Variants in RSPH14 observed in about 807,000 individuals in gnomAD.
The protein encoded by RSPH14 is rhabdoid tumor deletion region gene 1.
Under a neutral mutation model 26.7 loss-of-function variants are expected in RSPH14, and 20 were observed. The observed-to-expected ratio is 0.75, with a 90% CI of 0.53 to 1.09. RSPH14 has a LOEUF of 1.09. RSPH14 is among the 50% of genes least tolerant of loss of function. The pLI is 0.00. For missense variants in RSPH14, 449 were observed against 457.2 expected (o/e 0.98, Z 0.16); for synonymous variants, 177 against 189.3 (o/e 0.93, Z 0.53).
At chr22:23,158,669 G>A in the RSPH14 span, among the ~76,000 whole-genome samples, 3 of 152,142 alleles carry the variant, frequency 2.0e-5, no homozygotes, top group African/African-American at 7.2e-5. Context: ...GGCCAGGAGG[G>A]GTCTTCACCA....
In RSPH14 at chr22:23,141,081, G is replaced by A. The variant is rs189217568; in HGVS notation, c.-52-609C>T. ...GCAGTGGCTCACGCCTGTAATCCCA[G>A]CACTTTGGGAGGCCCGAGGCAGGCG... On this transcript the variant is annotated intron_variant, in intron 1 of 6. Coordinates refer to ENST00000216036, the MANE Select transcript of RSPH14 (RefSeq NM_014433.3). Among the ~76,000 whole-genome samples, 54 of 152,314 alleles carry A rather than the reference G, an allele frequency of 3.5e-4. No individual in the cohort carries two copies. The East Asian group carries it at 8.3e-3, about 23-fold the overall frequency.
At chr22:23,116,925 T>C (rs1350958299) in intron 4 of RSPH14, among the ~76,000 whole-genome samples, 1 of 152,176 alleles carries the variant, frequency 6.6e-6, no homozygotes, top group African/African-American at 2.4e-5. Flanking sequence ...TGAGGAAGCC[T>C]GGAGGATGCC....
chr22:23,098,777 G>A (rs948743114), intron 4 of RSPH14, among the ~76,000 whole-genome samples: 14 of 152,234 alleles, frequency 9.2e-5, no homozygotes, highest in Admixed American at 4.6e-4. Context: ...CCCCTCCCGC[G>A]ATTCCTCCCG....
chr22:23,150,631 T>G, the RSPH14 span, among the ~76,000 whole-genome samples: 1 of 152,094 alleles, frequency 6.6e-6, no homozygotes, highest in South Asian at 2.1e-4. Flanking sequence ...TGGCTTCAGT[T>G]AACACACCTG....
the RSPH14 span, among the ~76,000 whole-genome samples, chr22:23,178,907 A>G: frequency 0.29 from 44,339 of 152,090 alleles, 6,650 homozygotes; most frequent in East Asian, 0.36. Flanking sequence ...GAAGCCTGGA[A>G]ATCTGAGACA....
chr22:23,180,245 T>C, the RSPH14 span: 1 of 204,046 alleles, frequency 4.9e-6, no homozygotes, highest in Admixed American at 5.9e-5. Flanking sequence ...ACCTCTGTAT[T>C]GGAAAGGTCT....
Position 23,077,283 on chromosome 22 carries a change from T to A in RSPH14, c.422-13150A>T, listed in dbSNP as rs147495503. 1.2e-3 allele frequency among the ~76,000 whole-genome samples: 187 copies of A among 152,308 alleles called. 1 individual carries two copies. Among genetic ancestry groups the A allele is most frequent in the African/African-American group, 4.3e-3 (177 of 41,566 alleles). ...CTGGCCTCCGTCTTCCTGAGTCCCATGAGCAGCTCAGGTCATTGCTTGCTG... is the reference window on the plus strand; with the variant it reads ...CTGGCCTCCGTCTTCCTGAGTCCCAAGAGCAGCTCAGGTCATTGCTTGCTG... On this transcript the variant is annotated intron_variant, in intron 4 of 6. Coordinates refer to ENST00000216036, the MANE Select transcript of RSPH14 (RefSeq NM_014433.3).
At chr22:23,090,001 G>T (rs1052821050) in intron 4 of RSPH14, among the ~76,000 whole-genome samples, 1 of 152,084 alleles carries the variant, frequency 6.6e-6, no homozygotes, top group African/African-American at 2.4e-5. Flanking sequence ...GCCCTATGTC[G>T]CACTAAGTCC....
the RSPH14 span, chr22:23,161,629 G>A: frequency 7.1e-7 from 1 of 1,404,974 alleles, no homozygotes; most frequent in African/African-American, 1.4e-5. Context: ...CGTGACTGTG[G>A]TGTGGAGACT....
intron 4 of RSPH14, among the ~76,000 whole-genome samples, chr22:23,076,697 G>C (rs149374644): frequency 6.6e-6 from 1 of 152,362 alleles, no homozygotes; most frequent in African/African-American, 2.4e-5. Context: ...TTCACAGAGT[G>C]ATGACCTTCA....
upstream of RSPH14, among the ~76,000 whole-genome samples, chr22:23,144,071 C>T (rs187394956): frequency 5.9e-3 from 687 of 116,798 alleles, 6 homozygotes; most frequent in African/African-American, 0.022. Context: ...CCAGCCTGGG[C>T]GACAGAGTGA....
intron 1 of RSPH14, 47 bp from the exon 2 acceptor site, chr22:23,140,519 G>T (rs2070576652): frequency 6.6e-7 from 1 of 1,506,998 alleles, no homozygotes; most frequent in Admixed American, 2.2e-5. Context: ...TGATTTAAAA[G>T]CTACTTCTCA....
At chr22:23,135,255 C>T (rs1307910557) in intron 3 of RSPH14, among the ~76,000 whole-genome samples, 3 of 147,130 alleles carry the variant, frequency 2.0e-5, no homozygotes, top group African/African-American at 7.6e-5. Context: ...GGGCGGATCA[C>T]TAGGTCAGGA....
intron 4 of RSPH14, chr22:23,122,740 G>A (rs1229064423): frequency 3.3e-5 from 10 of 301,332 alleles, no homozygotes; most frequent in Non-Finnish European, 6.2e-5. Flanking sequence ...GGGAAGATGG[G>A]GGGTCCTCGG....
intron 4 of RSPH14, among the ~76,000 whole-genome samples, chr22:23,106,701 G>A (rs2069489220): frequency 6.6e-6 from 1 of 152,252 alleles, no homozygotes; most frequent in Admixed American, 6.5e-5. Context: ...GTGAGCGGTT[G>A]GCAGAGCCTG....
intron 4 of RSPH14, among the ~76,000 whole-genome samples, chr22:23,084,914 C>T (rs2068777171): frequency 6.6e-6 from 1 of 152,218 alleles, no homozygotes. Context: ...GTCCAGGTGA[C>T]ATCGCACGTC....
At chr22:23,130,368 T>TGA (rs1270683162) in intron 4 of RSPH14, among the ~76,000 whole-genome samples, 14 of 149,746 alleles carry the variant, frequency 9.3e-5, no homozygotes, top group African/African-American at 3.5e-4. Flanking sequence ...GGCAGGAGAA[T>TGA]GGCATGAACC....
the RSPH14 span, among the ~76,000 whole-genome samples, chr22:23,172,459 A>T: frequency 7.9e-5 from 12 of 151,414 alleles, no homozygotes; most frequent in Admixed American, 2.0e-4. Flanking sequence ...CTCAGCCTGT[A>T]ATCCCAGCAC....
intron 4 of RSPH14, chr22:23,131,592 G>A: frequency 7.7e-7 from 1 of 1,302,168 alleles, no homozygotes; most frequent in Admixed American, 2.3e-5. Flanking sequence ...CACAATCATT[G>A]TAAGAGGACT....
Sources: allele counts gnomAD v4.1 joint callset (sites outside exome capture counted in the v4.1 genomes callset), GRCh38; gene constraint gnomAD v4.1.1; transcripts MANE v1.5; gene names NCBI Gene and HGNC (gene_info 2026-07-23, HGNC 2026-07-21).